The following RANBP3 variants were observed in gnomAD, a reference collection of about 807,000 sequenced individuals.
RANBP3 encodes the protein RAN binding protein 3.
A neutral mutation model predicts 77.3 loss-of-function variants in RANBP3; 14 were observed. That is an observed-to-expected ratio of 0.18 (90% confidence interval 0.12 to 0.28). The LOEUF is 0.28. RANBP3 is among the 10% of genes least tolerant of loss of function. The pLI is 1.00. For missense variants in RANBP3, 586 were observed against 752.3 expected (o/e 0.78, Z 2.59); for synonymous variants, 315 against 312.4 (o/e 1.01, Z -0.09).
At chr19:5,957,516 T>C (rs563956785) in intron 2 of RANBP3, among the ~76,000 whole-genome samples, 14 of 151,942 alleles carry the variant, frequency 9.2e-5, no homozygotes, top group Non-Finnish European at 1.3e-4. Flanking sequence ...TAACCACCAT[T>C]GCTCTCCTCC....
chr19:5,940,122 C>T (rs987303908), intron 5 of RANBP3, among the ~76,000 whole-genome samples: 4 of 152,218 alleles, frequency 2.6e-5, no homozygotes, highest in African/African-American at 9.6e-5. Context: ...GTGCCCCTCA[C>T]GCCTCCAGTT....
At chr19:5,974,633 C>T (rs1344899255) in intron 1 of RANBP3, among the ~76,000 whole-genome samples, 2 of 151,984 alleles carry the variant, frequency 1.3e-5, no homozygotes, top group Admixed American at 1.3e-4. Context: ...ACCATGGTGA[C>T]GAGGGCCAAC....
At chr19:5,926,272 C>G (rs112494452) in intron 9 of RANBP3, among the ~76,000 whole-genome samples, 2 of 152,212 alleles carry the variant, frequency 1.3e-5, no homozygotes, top group African/African-American at 4.8e-5. Context: ...TCTGGCTGGG[C>G]GCGGTGGCTC....
chr19:5,942,711 A>C (rs1000701680), intron 3 of RANBP3, among the ~76,000 whole-genome samples: 26 of 151,616 alleles, frequency 1.7e-4, no homozygotes, highest in Admixed American at 2.6e-4. Context: ...AAAAAAAAAA[A>C]AAAAAAAAAC....
At chr19:5,950,875 G>A (rs964630505) in intron 3 of RANBP3, 1 of 159,360 alleles carries the variant, frequency 6.3e-6, no homozygotes, top group Non-Finnish European at 1.4e-5. Flanking sequence ...TCTTCTTCCT[G>A]CTTTGATTGA....
At chr19:5,957,185 T>C (rs1432101141) in intron 2 of RANBP3, among the ~76,000 whole-genome samples, 3 of 152,160 alleles carry the variant, frequency 2.0e-5, no homozygotes, top group African/African-American at 7.2e-5. Flanking sequence ...AACTAACTTC[T>C]GACAAAACTC....
rs375916747 is a variant in RANBP3 at position 5,917,599 on chromosome 19, G to C, written c.*11C>G. 2.5e-6 allele frequency: 4 copies of C among 1,591,126 alleles called. No homozygotes were observed. Among genetic ancestry groups the C allele is most frequent in the African/African-American group, 1.3e-5 (1 of 74,586 alleles). On this transcript the variant is annotated 3_prime_UTR_variant, in exon 17 of 17. Coordinates refer to ENST00000340578, the MANE Select transcript of RANBP3 (RefSeq NM_007322.3). ...AAGCAGCAGCCTGGTGTGCAGCCGGGCTCCCGGCCGCTATGTGCTCCCGGT... is the reference window on the plus strand; with the variant it reads ...AAGCAGCAGCCTGGTGTGCAGCCGGCCTCCCGGCCGCTATGTGCTCCCGGT...
intron 1 of RANBP3, 35 bp downstream of exon 1, chr19:5,978,026 G>T: frequency 6.2e-7 from 1 of 1,607,842 alleles, no homozygotes; most frequent in East Asian, 2.3e-5. Context: ...CCCGTTCCCC[G>T]GCCGCCAGCC....
chr19:5,932,782 T>TA, intron 6 of RANBP3: 1 of 538,274 alleles, frequency 1.9e-6, no homozygotes, highest in Non-Finnish European at 3.3e-6. Flanking sequence ...TTAATCCAGT[T>TA]AGCACAGTAA....
In RANBP3 at chr19:5,917,949, G is replaced by A. The variant is rs1307605170; in HGVS notation, c.1505C>T (p.Ala502Val). ...GGCCAGGATGCGGTGGTGCAGGGCT[G>A]CATACAACTGACCTGTGTCCTTGGA... ...ASSKDTGQLY[A>V]ALHHRILALR... The change falls in exon 16 of 17, where the codon GCA becomes GTA. Residue 502 changes from alanine (A) to valine (V), a missense_variant. By Grantham distance (64) the Ala-to-Val change is moderately conservative (BLOSUM62 0). Around this residue, in one of 5 missense-constraint regions of RANBP3, gnomAD observed 128 missense variants for 157.0 expected, o/e 0.82. Coordinates refer to ENST00000340578, the MANE Select transcript of RANBP3 (RefSeq NM_007322.3). 1.2e-6 allele frequency: 2 copies of A among 1,608,372 alleles called. No homozygotes were observed. The highest frequency in any genetic ancestry group is 8.5e-7 in the Non-Finnish European group (1 of 1,177,112).
At chr19:5,919,896 C>T (rs1032398030) in intron 14 of RANBP3, among the ~76,000 whole-genome samples, 19 of 100,690 alleles carry the variant, frequency 1.9e-4, no homozygotes, top group African/African-American at 6.9e-4. Flanking sequence ...GGCAAAACTC[C>T]GTCTCAAAAA....
At chr19:5,935,994 C>T (rs908860916) in intron 5 of RANBP3, among the ~76,000 whole-genome samples, 4 of 152,242 alleles carry the variant, frequency 2.6e-5, no homozygotes, top group Admixed American at 1.3e-4. Context: ...CGCCGGCAGC[C>T]TTTGCCCTCC....
rs1347600551 is a variant in RANBP3 at position 5,921,849 on chromosome 19, CT to C, written c.1210-529del. 6.6e-6 allele frequency among the ~76,000 whole-genome samples: 1 copy of C among 152,222 alleles called. No homozygotes were observed. The highest frequency in any genetic ancestry group is 1.9e-4 in the East Asian group (1 of 5,208). On this transcript the variant is annotated intron_variant, in intron 13 of 16. Transcript: ENST00000340578. The surrounding 1 kb of genome is among the most constrained non-coding windows in gnomAD (Gnocchi z 5.3). ...ATGGAGTGACACACATGGTCCGCCC[CT>C]ACAGCGCATCTCACTCAGTCTTAAT...
At chr19:5,955,626 C>A (rs1173962717) in intron 2 of RANBP3, among the ~76,000 whole-genome samples, 1 of 152,248 alleles carries the variant, frequency 6.6e-6, no homozygotes, top group Non-Finnish European at 1.5e-5. Flanking sequence ...ACTGTTCCAT[C>A]TTGCTGGTTG....
intron 8 of RANBP3, among the ~76,000 whole-genome samples, chr19:5,929,124 G>A (rs574751050): frequency 2.0e-5 from 3 of 152,282 alleles, no homozygotes; most frequent in East Asian, 1.9e-4. Flanking sequence ...GGATCACAGC[G>A]CTGAGGGCAC....
chr19:5,941,893 A>C (rs2058142240), intron 3 of RANBP3, 58 bp from the exon 4 acceptor site: 2 of 1,596,420 alleles, frequency 1.3e-6, no homozygotes, highest in East Asian at 2.2e-5. Context: ...GCAGCCGAGC[A>C]ACTCTCGGGG....
At chr19:5,957,515 T>G in intron 2 of RANBP3, among the ~76,000 whole-genome samples, 1 of 151,982 alleles carries the variant, frequency 6.6e-6, no homozygotes, top group South Asian at 2.1e-4. Context: ...GTAACCACCA[T>G]TGCTCTCCTC....
chr19:5,932,370 G>C (rs555962034), intron 7 of RANBP3, 82 bp downstream of exon 7: 29 of 1,079,466 alleles, frequency 2.7e-5, no homozygotes, highest in Non-Finnish European at 3.9e-5. Flanking sequence ...CACCTCTGTC[G>C]CAACACTGCT....
rs1201318976 is a variant in RANBP3, at chr19:5,917,402, A to G, written c.*208T>C. 9.1e-6 allele frequency: 5 copies of G among 550,002 alleles called. No homozygotes were observed. The highest frequency in any genetic ancestry group is 1.6e-5 in the Non-Finnish European group (5 of 310,038). 34.1% of individuals were successfully genotyped at this position (550,002 alleles called of 1,614,324 possible). On this transcript the variant is annotated 3_prime_UTR_variant, in exon 17 of 17. Transcript: ENST00000340578. Reference sequence around the variant, plus strand: ...AAATGTTCTTGTTTGTTCGCTCATCAATATGATGAGGTCTCGTGTCCCAAA... The same window carrying G: ...AAATGTTCTTGTTTGTTCGCTCATCGATATGATGAGGTCTCGTGTCCCAAA...
Sources: allele counts gnomAD v4.1 joint callset (sites outside exome capture counted in the v4.1 genomes callset), GRCh38; gene constraint gnomAD v4.1.1; regional missense constraint gnomAD v4.1.1; non-coding constraint Gnocchi (gnomAD v3.1); transcripts MANE v1.5; gene names NCBI Gene and HGNC (gene_info 2026-07-23, HGNC 2026-07-21).